The following LDB2 variants were observed in gnomAD, a reference collection of about 807,000 sequenced individuals.
The protein encoded by LDB2 is LIM domain-binding protein 2.
Under a neutral mutation model 44.3 loss-of-function variants are expected in LDB2, and 12 were observed. The ratio of observed to expected loss-of-function variants is 0.27; its 90% CI spans 0.17 to 0.44. The LOEUF (loss-of-function observed/expected upper bound fraction) is 0.44. Among genes scored for constraint, LDB2 ranks in the 20% least tolerant of loss-of-function variants. The pLI, the probability that LDB2 is intolerant of heterozygous loss-of-function variation, is 1.00. For missense variants in LDB2, 344 were observed against 473.5 expected, an observed-to-expected ratio of 0.73 and a Z score of 2.54; for synonymous variants, 164 against 174.8, an observed-to-expected ratio of 0.94 and a Z score of 0.49.
At chr4:16,855,837 C>T (rs1789253932) in intron 1 of LDB2, among the ~76,000 whole-genome samples, 5 of 151,996 alleles carry the variant, frequency 3.3e-5, no homozygotes, top group Admixed American at 3.3e-4. Context: ...TTCCAAATAA[C>T]CAATGCATGT....
At chr4:16,643,846 T>C (rs1735905488) in intron 2 of LDB2, among the ~76,000 whole-genome samples, 1 of 152,240 alleles carries the variant, frequency 6.6e-6, no homozygotes, top group Non-Finnish European at 1.5e-5. Flanking sequence ...TACATCATTT[T>C]ATTTGCTGGC....
At chr4:16,895,763 T>A (rs1724826621) in intron 1 of LDB2, among the ~76,000 whole-genome samples, 1 of 152,174 alleles carries the variant, frequency 6.6e-6, no homozygotes, top group African/African-American at 2.4e-5. Flanking sequence ...TCTTGCTGAG[T>A]ATCATTGTAT....
chr4:16,837,841 A>G (rs1187276379), intron 1 of LDB2, among the ~76,000 whole-genome samples: 1 of 152,244 alleles, frequency 6.6e-6, no homozygotes, highest in Non-Finnish European at 1.5e-5. Flanking sequence ...TTGGTATGAT[A>G]TGTTAGGCAG....
At chr4:16,889,973 C>A (rs1397327718) in intron 1 of LDB2, among the ~76,000 whole-genome samples, 2 of 152,138 alleles carry the variant, frequency 1.3e-5, no homozygotes, top group African/African-American at 4.8e-5. Flanking sequence ...TTTTCTTTTT[C>A]TAATTGATTA....
chr4:16,870,081 A>G (rs1321139639), intron 1 of LDB2, among the ~76,000 whole-genome samples: 1 of 152,148 alleles, frequency 6.6e-6, no homozygotes, highest in Non-Finnish European at 1.5e-5. Context: ...AGAAGCAGCC[A>G]TTGTGTTTTG....
chr4:16,682,519 C>G (rs527728562), intron 2 of LDB2, among the ~76,000 whole-genome samples: 4 of 152,148 alleles, frequency 2.6e-5, no homozygotes, highest in East Asian at 3.8e-4. Context: ...TTGTTAGATA[C>G]CCAGTAAATG....
At chr4:16,698,582 G>T (rs922868698) in intron 2 of LDB2, among the ~76,000 whole-genome samples, 7 of 151,790 alleles carry the variant, frequency 4.6e-5, no homozygotes, top group African/African-American at 7.3e-5. Flanking sequence ...AATATCCTTT[G>T]CCCTTTATTC....
At chr4:16,711,052 C>T (rs541832322) in intron 2 of LDB2, among the ~76,000 whole-genome samples, 3 of 152,308 alleles carry the variant, frequency 2.0e-5, no homozygotes, top group East Asian at 3.9e-4. Flanking sequence ...TTCAACAATG[C>T]TATTGAGTAT....
chr4:16,573,221 G>A (rs1041107295), intron 5 of LDB2, among the ~76,000 whole-genome samples: 1 of 152,060 alleles, frequency 6.6e-6, no homozygotes, highest in Non-Finnish European at 1.5e-5. Context: ...ATATATAGAG[G>A]GAACTAATGG....
At chr4:16,784,740 C>T (rs1235009936) in intron 1 of LDB2, among the ~76,000 whole-genome samples, 1 of 152,160 alleles carries the variant, frequency 6.6e-6, no homozygotes, top group African/African-American at 2.4e-5. Flanking sequence ...CCTAGCCTGC[C>T]ATGGTAGCCC....
At chr4:16,569,904 G>T (rs1317378001) in intron 5 of LDB2, among the ~76,000 whole-genome samples, 1 of 152,058 alleles carries the variant, frequency 6.6e-6, no homozygotes, top group East Asian at 1.9e-4. Flanking sequence ...TCACATACAG[G>T]GCTGTTTATG....
At chr4:16,690,265 A>G (rs1166470908) in intron 2 of LDB2, among the ~76,000 whole-genome samples, 3 of 151,816 alleles carry the variant, frequency 2.0e-5, no homozygotes, top group Non-Finnish European at 4.4e-5. Flanking sequence ...GCTTAAGACT[A>G]GCCTGGGCAA....
Position 16,556,487 on chromosome 4 carries a change from T to G in LDB2, c.615+29435A>C, listed in dbSNP as rs957605438. ...TTGTGCATTATCAAAGCTAATGATA[T>G]TCCTTGGACTTCATCTAATAATCAG... On this transcript the variant is annotated intron_variant, in intron 5 of 7. Coordinates refer to ENST00000304523, the MANE Select transcript of LDB2 (RefSeq NM_001290.5). 4.6e-5 allele frequency among the ~76,000 whole-genome samples: 7 copies of G among 152,208 alleles called. No individual in the cohort carries two copies. The South Asian group carries it at 1.2e-3, about 27-fold the overall frequency.
chr4:16,505,234 A>C (rs190400283), intron 7 of LDB2, among the ~76,000 whole-genome samples: 2 of 152,282 alleles, frequency 1.3e-5, no homozygotes, highest in East Asian at 3.9e-4. Flanking sequence ...GCAGCTGGAA[A>C]AGATGTCTAG....
intron 5 of LDB2, among the ~76,000 whole-genome samples, chr4:16,522,230 C>T (rs955059210): frequency 1.3e-5 from 2 of 151,492 alleles, no homozygotes; most frequent in African/African-American, 2.4e-5. Context: ...CTTGGCACGA[C>T]CTACTTGTTA....
intron 2 of LDB2, among the ~76,000 whole-genome samples, chr4:16,672,126 C>T (rs1050679445): frequency 1.3e-5 from 2 of 152,192 alleles, no homozygotes; most frequent in African/African-American, 4.8e-5. Flanking sequence ...TCATTCATTA[C>T]TTGGAGCAAC....
At chr4:16,793,627 A>C (rs921069864) in intron 1 of LDB2, among the ~76,000 whole-genome samples, 2 of 152,224 alleles carry the variant, frequency 1.3e-5, no homozygotes, top group African/African-American at 4.8e-5. Context: ...ACCTGAATAA[A>C]TCTAAATCTG....
At chr4:16,534,362 G>T (rs192494546) in intron 5 of LDB2, among the ~76,000 whole-genome samples, 76 of 152,184 alleles carry the variant, frequency 5.0e-4, no homozygotes, top group African/African-American at 1.8e-3. Flanking sequence ...TTTTAGAAAC[G>T]AACTTTTACC....
chr4:16,770,682 G>A (rs207683), intron 1 of LDB2, among the ~76,000 whole-genome samples: 124,625 of 152,110 alleles, frequency 0.82, 52,289 homozygotes, highest in Non-Finnish European at 0.92. Context: ...CTCGCTGCCT[G>A]TTGCAATCTC....
Sources: gnomAD v4.1 joint callset for allele counts (sites outside exome capture counted in the v4.1 genomes callset) on GRCh38, gnomAD v4.1.1 for gene constraint, MANE v1.5 for transcripts, NCBI Gene and HGNC (gene_info 2026-07-23, HGNC 2026-07-21) for gene names.